The following IMMP2L variants were observed in gnomAD, a reference collection of about 807,000 sequenced individuals.
The protein encoded by IMMP2L is mitochondrial inner membrane protease subunit 2.
IMMP2L carries 18 observed loss-of-function variants against 19.3 expected under a neutral mutation model. The observed-to-expected ratio is 0.93, with a 90% CI of 0.64 to 1.38. The LOEUF (loss-of-function observed/expected upper bound fraction) is 1.38, where lower values mean the gene tolerates loss of function less well. Among genes scored for constraint, IMMP2L ranks in the 40% most tolerant of loss-of-function variants. The probability of loss-of-function intolerance (pLI) is 0.00; values close to 1 mark genes in which losing one functional copy is unlikely to be tolerated. For missense variants in IMMP2L, 233 were observed against 218.2 expected, an observed-to-expected ratio of 1.07 and a Z score of -0.43; for synonymous variants, 76 against 73.0, an observed-to-expected ratio of 1.04 and a Z score of -0.21.
chr7:110,973,285 AAAC>A (rs1304777781), intron 3 of IMMP2L, among the ~76,000 whole-genome samples: 3 of 152,104 alleles, frequency 2.0e-5, no homozygotes, highest in Admixed American at 2.0e-4. Flanking sequence ...TATACTGTAA[AAAC>A]ATATAATTTT....
intron 3 of IMMP2L, among the ~76,000 whole-genome samples, chr7:111,386,336 A>C (rs533202830): frequency 1.3e-5 from 2 of 152,260 alleles, no homozygotes; most frequent in African/African-American, 2.4e-5. Context: ...TCACTTAACA[A>C]ACATAAACTG....
intron 3 of IMMP2L, among the ~76,000 whole-genome samples, chr7:111,192,960 T>C (rs932811997): frequency 6.6e-6 from 1 of 151,826 alleles, no homozygotes; most frequent in Non-Finnish European, 1.5e-5. Flanking sequence ...AGAGTTTGAG[T>C]TGGGCAATTG....
At chr7:110,797,580 T>C (rs911169436) in intron 5 of IMMP2L, among the ~76,000 whole-genome samples, 1 of 152,012 alleles carries the variant, frequency 6.6e-6, no homozygotes, top group African/African-American at 2.4e-5. Flanking sequence ...AACACGTTTC[T>C]GTTGTGCCAC....
chr7:110,997,971 T>C (rs1417863639), intron 3 of IMMP2L, among the ~76,000 whole-genome samples: 3 of 152,172 alleles, frequency 2.0e-5, no homozygotes, highest in East Asian at 1.9e-4. Flanking sequence ...GGAAGCTTCA[T>C]TGTACTCAAA....
Position 111,071,344 on chromosome 7 carries a change from T to C in IMMP2L, c.240-107779A>G, listed in dbSNP as rs537538759. ...ACAGTTTGATGATGCTTCAAAAAGGTAAACATAGGATTACCATATAAGCCA... is the reference window on the plus strand; with the variant it reads ...ACAGTTTGATGATGCTTCAAAAAGGCAAACATAGGATTACCATATAAGCCA... On this transcript the variant is annotated intron_variant, in intron 3 of 5. Coordinates refer to ENST00000405709, the MANE Select transcript of IMMP2L (RefSeq NM_032549.4). Among the ~76,000 whole-genome samples, 5 of 152,194 alleles carry C rather than the reference T, an allele frequency of 3.3e-5. No homozygotes were observed. The South Asian group carries it at 1.0e-3, about 32-fold the overall frequency.
intron 3 of IMMP2L, among the ~76,000 whole-genome samples, chr7:111,441,130 G>A (rs1159125228): frequency 2.0e-5 from 3 of 151,816 alleles, no homozygotes; most frequent in Non-Finnish European, 2.9e-5. Context: ...ACAGCAATAA[G>A]GCTATTTCAC....
Position 111,383,606 on chromosome 7 carries a change from C to A in IMMP2L, c.239+103632G>T, listed in dbSNP as rs1584890885. On this transcript the variant is annotated intron_variant, in intron 3 of 5. Coordinates refer to ENST00000405709, the MANE Select transcript of IMMP2L (RefSeq NM_032549.4). ...GCCTTTGTCCACCTTTTAAACAGTA[C>A]TTTATTTCCCTGTTGGCTTCTATAC... Among the ~76,000 whole-genome samples, 3 of 152,026 alleles carry A rather than the reference C, an allele frequency of 2.0e-5. No individual in the cohort carries two copies. The South Asian group carries it at 6.2e-4, about 32-fold the overall frequency.
At chr7:110,878,680 G>A (rs1809326288) in intron 5 of IMMP2L, among the ~76,000 whole-genome samples, 1 of 151,832 alleles carries the variant, frequency 6.6e-6, no homozygotes, top group Non-Finnish European at 1.5e-5. Context: ...AGTGATTGCT[G>A]AAATGGAGGC....
intron 3 of IMMP2L, among the ~76,000 whole-genome samples, chr7:111,009,976 G>C (rs770077039): frequency 6.6e-6 from 1 of 152,054 alleles, no homozygotes; most frequent in Admixed American, 6.6e-5. Flanking sequence ...CAAACTCTCC[G>C]TGTCAGTGTC....
chr7:111,529,294 T>A (rs1432835218), intron 1 of IMMP2L, among the ~76,000 whole-genome samples: 3 of 152,208 alleles, frequency 2.0e-5, no homozygotes, highest in African/African-American at 7.2e-5. Flanking sequence ...TTTGGATACA[T>A]GTGGTCTAAT....
intron 3 of IMMP2L, among the ~76,000 whole-genome samples, chr7:111,005,191 T>C (rs544344588): frequency 1.3e-5 from 2 of 152,258 alleles, no homozygotes; most frequent in South Asian, 2.1e-4. Context: ...TCGATTAAGA[T>C]TCCCCCCTGC....
At chr7:111,208,323 G>A (rs983262038) in intron 3 of IMMP2L, among the ~76,000 whole-genome samples, 8 of 152,148 alleles carry the variant, frequency 5.3e-5, no homozygotes, top group Non-Finnish European at 1.0e-4. Flanking sequence ...AAAAGGGAAC[G>A]GTGAAAGCAA....
chr7:111,518,256 G>C (rs893010339), intron 2 of IMMP2L, among the ~76,000 whole-genome samples: 2 of 151,970 alleles, frequency 1.3e-5, no homozygotes, highest in Admixed American at 6.6e-5. Context: ...CAGAATTTTT[G>C]AAAGACCGAA....
intron 3 of IMMP2L, among the ~76,000 whole-genome samples, chr7:111,159,659 T>A (rs1805037677): frequency 6.6e-6 from 1 of 152,124 alleles, no homozygotes; most frequent in Non-Finnish European, 1.5e-5. Context: ...TACCAATTTG[T>A]CATGAAGGCT....
chr7:110,884,991 G>C (rs1369482879), intron 5 of IMMP2L, among the ~76,000 whole-genome samples: 2 of 151,866 alleles, frequency 1.3e-5, no homozygotes, highest in African/African-American at 4.8e-5. Flanking sequence ...AGTGACAGCA[G>C]GAGTGTGCCC....
intron 5 of IMMP2L, among the ~76,000 whole-genome samples, chr7:110,739,911 C>T (rs1411079826): frequency 1.3e-5 from 2 of 152,058 alleles, no homozygotes; most frequent in Admixed American, 1.3e-4. Context: ...CAAAAGGAAC[C>T]CTCAAAATCA....
chr7:111,431,574 A>G (rs1010072937), intron 3 of IMMP2L, among the ~76,000 whole-genome samples: 1 of 151,836 alleles, frequency 6.6e-6, no homozygotes, highest in Non-Finnish European at 1.5e-5. Flanking sequence ...TAAGTCTAAT[A>G]TTTGGGTGGA....
chr7:111,361,386 G>C (rs1829247821), intron 3 of IMMP2L, among the ~76,000 whole-genome samples: 1 of 152,102 alleles, frequency 6.6e-6, no homozygotes, highest in East Asian at 1.9e-4. Context: ...GGATTATAGA[G>C]AGTAATTTAT....
At chr7:111,275,601 T>G (rs1039050818) in intron 3 of IMMP2L, among the ~76,000 whole-genome samples, 2 of 152,094 alleles carry the variant, frequency 1.3e-5, no homozygotes, top group African/African-American at 2.4e-5. Context: ...GGTAACACAA[T>G]TAAGTTTTAA....
Sources: gnomAD v4.1 joint callset for allele counts (sites outside exome capture counted in the v4.1 genomes callset) on GRCh38, gnomAD v4.1.1 for gene constraint, MANE v1.5 for transcripts, NCBI Gene and HGNC (gene_info 2026-07-23, HGNC 2026-07-21) for gene names.